The following DDR2 variants were observed in gnomAD, a reference collection of about 807,000 sequenced individuals.
DDR2 encodes discoidin domain receptor tyrosine kinase 2.
In DDR2, 27 loss-of-function variants were observed where a neutral mutation model predicts 94.9. That is an observed-to-expected ratio of 0.28 (90% CI 0.21 to 0.39). The LOEUF is 0.39. Ranked by LOEUF, DDR2 falls within the 10% of genes least tolerant of loss-of-function variation. The probability of loss-of-function intolerance (pLI) is 1.00; values close to 1 mark genes in which losing one functional copy is unlikely to be tolerated. For synonymous variants in DDR2, 382 were observed against 377.2 expected (o/e 1.01, Z -0.15); for missense variants, 783 against 1,076.0 (o/e 0.73, Z 3.81).
intron 8 of DDR2, among the ~76,000 whole-genome samples, chr1:162,760,310 G>A (rs1663651855): frequency 6.6e-6 from 1 of 150,954 alleles, no homozygotes; most frequent in Non-Finnish European, 1.5e-5. Flanking sequence ...AATATCAGGT[G>A]AAAAAAATAA....
intron 2 of DDR2, among the ~76,000 whole-genome samples, chr1:162,663,425 A>T (rs1658402956): frequency 6.6e-6 from 1 of 152,236 alleles, no homozygotes; most frequent in Non-Finnish European, 1.5e-5. Context: ...ATGTCAACTC[A>T]ATAAATAAAT....
intron 1 of DDR2, among the ~76,000 whole-genome samples, chr1:162,647,374 G>A (rs1221785562): frequency 1.3e-5 from 2 of 152,094 alleles, no homozygotes; most frequent in East Asian, 3.9e-4. Context: ...TAGCTCTAAG[G>A]TCAATATGGA....
At chr1:162,656,985 G>A (rs976303439) in intron 2 of DDR2, among the ~76,000 whole-genome samples, 3 of 151,304 alleles carry the variant, frequency 2.0e-5, no homozygotes, top group African/African-American at 7.3e-5. Flanking sequence ...CAAGTAGCTG[G>A]AAATACAGGC....
chr1:162,728,931 T>A (rs1661859171), intron 3 of DDR2, among the ~76,000 whole-genome samples: 1 of 151,946 alleles, frequency 6.6e-6, no homozygotes, highest in Non-Finnish European at 1.5e-5. Context: ...TAACATGGGG[T>A]CCATAAACTT....
chr1:162,653,623 T>A (rs1282261205), intron 1 of DDR2, among the ~76,000 whole-genome samples: 1 of 152,086 alleles, frequency 6.6e-6, no homozygotes, highest in Non-Finnish European at 1.5e-5. Context: ...TGGGTCCTAT[T>A]TTCTTCCCTG....
chr1:162,778,847 C>A, intron 17 of DDR2, 118 bp downstream of exon 17: 5 of 1,330,382 alleles, frequency 3.8e-6, no homozygotes, highest in Non-Finnish European at 4.3e-6. Flanking sequence ...AGGTGTTAGT[C>A]TTTGTCACTA....
At position 162,753,200 on chromosome 1, in the gene DDR2, G is replaced by A. The variant is rs926358517; in HGVS notation, c.185+3G>A. 1.5e-5 allele frequency: 24 copies of A among 1,612,440 alleles called. No homozygotes were observed. In the East Asian group the frequency reaches 3.1e-4, roughly 21 times the overall value. On this transcript the variant is annotated splice_donor_region_variant and intron_variant, in intron 4 of 17. Transcript: ENST00000367921. Reference sequence around the variant, plus strand: ...TCCACAGCTGCCAAATATGGAAGGTGAGGATGGTTACATCAAGAAAGCCCA... The same window carrying A: ...TCCACAGCTGCCAAATATGGAAGGTAAGGATGGTTACATCAAGAAAGCCCA...
chr1:162,705,508 C>T (rs980736457), intron 2 of DDR2, among the ~76,000 whole-genome samples: 3 of 152,188 alleles, frequency 2.0e-5, no homozygotes, highest in African/African-American at 7.2e-5. Flanking sequence ...AAAGGGGGAG[C>T]AGCATTCCTT....
intron 13 of DDR2, 145 bp downstream of exon 13, chr1:162,772,392 A>G: frequency 4.7e-6 from 4 of 849,788 alleles, no homozygotes; most frequent in Non-Finnish European, 7.7e-6. Flanking sequence ...TCTGGATTTC[A>G]GTATTGGGTC....
chr1:162,650,462 G>A (rs1480066673), intron 1 of DDR2, among the ~76,000 whole-genome samples: 1 of 152,036 alleles, frequency 6.6e-6, no homozygotes, highest in Non-Finnish European at 1.5e-5. Flanking sequence ...AGGGTAGGGT[G>A]GTGCGCACCT....
chr1:162,645,708 T>C (rs185210729), intron 1 of DDR2, among the ~76,000 whole-genome samples: 1 of 152,296 alleles, frequency 6.6e-6, no homozygotes, highest in East Asian at 1.9e-4. Flanking sequence ...GGTTCATAAG[T>C]TCAGGAAAAT....
Position 162,741,257 on chromosome 1 carries a change from T to TATA in DDR2, c.83-11838_83-11837insATA, listed in dbSNP as rs1558057581. 2.2e-3 allele frequency among the ~76,000 whole-genome samples: 258 copies of TATA among 117,040 alleles called. 3 individuals carry two copies. Among genetic ancestry groups the TATA allele is most frequent in the African/African-American group, 5.7e-3 (156 of 27,158 alleles). The allele number at this position is 117,040 out of a possible 152,430, so 76.8% of individuals were successfully genotyped here. A position where few individuals can be genotyped will look rare whatever the true frequency, so the allele number is the denominator to read the frequency against. On this transcript the variant is annotated intron_variant, in intron 3 of 17. Coordinates refer to ENST00000367921, the MANE Select transcript of DDR2 (RefSeq NM_006182.4). ...TATAATATAATATAGTATAATGTAA[T>TATA]GTAATGTAATATAATATAATATAAT...
At chr1:162,656,048 T>C (rs780688899) in intron 2 of DDR2, among the ~76,000 whole-genome samples, 21 of 152,210 alleles carry the variant, frequency 1.4e-4, no homozygotes, top group Non-Finnish European at 2.9e-4. Context: ...CATATCAAGG[T>C]GGTCTGCTGC....
chr1:162,767,322 T>C lies in DDR2; in HGVS notation c.1256T>C (p.Ile419Thr), dbSNP rs1486535694. Residue 419 changes from isoleucine to threonine, a missense_variant, in exon 11 of 18, where the codon ATC (isoleucine) becomes ACC (threonine). Coordinates refer to ENST00000367921, the MANE Select transcript of DDR2 (RefSeq NM_006182.4). ...ATCCTCCTGGCCATCATTGTCATCA[T>C]CCTCTGGAGGCAGTTCTGGCAGAAA... ...IFILLAIIVI[I>T]LWRQFWQKML... 6.2e-7 allele frequency: 1 copy of C among 1,613,972 alleles called. No individual in the cohort carries two copies. Among genetic ancestry groups the C allele is most frequent in the Non-Finnish European group, 8.5e-7 (1 of 1,180,018 alleles).
chr1:162,730,567 AG>A (rs1421759342), intron 3 of DDR2, among the ~76,000 whole-genome samples: 1 of 152,248 alleles, frequency 6.6e-6, no homozygotes, highest in East Asian at 1.9e-4. Context: ...TGCTAACTTG[AG>A]AAATGTATTG....
At chr1:162,698,883 G>A (rs1660306731) in intron 2 of DDR2, among the ~76,000 whole-genome samples, 1 of 152,132 alleles carries the variant, frequency 6.6e-6, no homozygotes, top group Admixed American at 6.5e-5. Flanking sequence ...TATTCCTAAA[G>A]CCCAGTCCTT....
At chr1:162,751,365 A>T (rs1031237175) in intron 3 of DDR2, among the ~76,000 whole-genome samples, 41 of 152,222 alleles carry the variant, frequency 2.7e-4, no homozygotes, top group African/African-American at 9.9e-4. Flanking sequence ...TCAAAAGAAG[A>T]TATTTATGCA....
chr1:162,699,376 G>A (rs1660330035), intron 2 of DDR2, among the ~76,000 whole-genome samples: 1 of 152,156 alleles, frequency 6.6e-6, no homozygotes, highest in Non-Finnish European at 1.5e-5. Flanking sequence ...GTAGTCTCTG[G>A]ACACTTCTAC....
chr1:162,728,102 T>G (rs1342621001), intron 3 of DDR2, among the ~76,000 whole-genome samples: 1 of 143,496 alleles, frequency 7.0e-6, no homozygotes, highest in Non-Finnish European at 1.5e-5. Flanking sequence ...TCACACTATA[T>G]ATATCTATAT....
Sources: gnomAD v4.1 joint callset for allele counts (sites outside exome capture counted in the v4.1 genomes callset) on GRCh38, gnomAD v4.1.1 for gene constraint, MANE v1.5 for transcripts, NCBI Gene and HGNC (gene_info 2026-07-23, HGNC 2026-07-21) for gene names.